VWA3B: variants seen among roughly 807,000 people sequenced by gnomAD.
The protein encoded by VWA3B is von Willebrand factor A domain containing 3B.
VWA3B carries 138 observed loss-of-function variants against 158.3 expected under a neutral mutation model. The observed-to-expected ratio is 0.87, with a 90% CI of 0.76 to 1.00. The LOEUF (loss-of-function observed/expected upper bound fraction) is 1.00, where lower values mean the gene tolerates loss of function less well. VWA3B is among the 50% of genes least tolerant of loss of function. VWA3B has a pLI of 0.00. For synonymous variants in VWA3B, 596 were observed against 587.3 expected (o/e 1.01, Z -0.21); for missense variants, 1,555 against 1,565.1 (o/e 0.99, Z 0.11).
At chr2:98,115,214 C>G (rs143344709) in intron 2 of VWA3B, among the ~76,000 whole-genome samples, 2 of 151,684 alleles carry the variant, frequency 1.3e-5, no homozygotes, top group African/African-American at 2.4e-5. Flanking sequence ...ATTACAATGC[C>G]GTTCTCACTC....
rs1228441504 is a variant in VWA3B at position 98,129,224 on chromosome 2, AGT to A, written c.872+850_872+851del. Among the ~76,000 whole-genome samples the A allele has an allele frequency of 8.8e-3, 1,094 of 124,546 alleles. 11 individuals carry two copies. The highest frequency in any genetic ancestry group is 0.043 in the South Asian group (157 of 3,670). 81.7% of individuals were successfully genotyped at this position (124,546 alleles called of 152,430 possible). A position where few individuals can be genotyped will look rare whatever the true frequency, so the allele number is the denominator to read the frequency against. On this transcript the variant is annotated intron_variant, in intron 6 of 27. Coordinates refer to ENST00000477737, the MANE Select transcript of VWA3B (RefSeq NM_144992.5). ...AGAGAGAGGAGAGAGAGAGAGAGAG[AGT>A]GTGTGTGTGTGTGTGTGTGTGTGTG...
At chr2:98,133,737 A>C in intron 6 of VWA3B, 87 bp from the exon 7 acceptor site, 1 of 1,136,986 alleles carries the variant, frequency 8.8e-7, no homozygotes, top group Non-Finnish European at 1.3e-6. Context: ...AGTGCTGCCG[A>C]AGAGCACGTT....
chr2:98,158,625 T>C (rs1678301310), intron 7 of VWA3B, among the ~76,000 whole-genome samples: 1 of 152,058 alleles, frequency 6.6e-6, no homozygotes, highest in Admixed American at 6.6e-5. Context: ...GAGCGTGTCC[T>C]GGCAGCAAGA....
intron 25 of VWA3B, 111 bp downstream of exon 25, chr2:98,300,327 G>A: frequency 1.4e-6 from 2 of 1,475,182 alleles, no homozygotes; most frequent in Non-Finnish European, 1.8e-6. Context: ...CTGCTGCCCT[G>A]CTCTCCACTC....
chr2:98,311,239 T>G (rs997913734), intron 26 of VWA3B, among the ~76,000 whole-genome samples: 1 of 152,232 alleles, frequency 6.6e-6, no homozygotes, highest in African/African-American at 2.4e-5. Context: ...TCAAGGTGCC[T>G]TCTTTGAAGG....
downstream of VWA3B, among the ~76,000 whole-genome samples, chr2:98,315,969 G>A (rs1025721447): frequency 6.6e-6 from 1 of 152,212 alleles, no homozygotes; most frequent in African/African-American, 2.4e-5. Flanking sequence ...AAATGCAGTT[G>A]ATTCTCACTA....
Position 98,236,691 on chromosome 2 carries a change from C to T in VWA3B, c.2634C>T (p.Pro878=), listed in dbSNP as rs757925403. ...TCCCGCACAGCTCCACCTATGTTCC[C>T]GTCCTGGACAAGCATGTCGTGTCTA... The part of the protein sequence containing the change: ...AAVPHSSTYV[P]VLDKHVVSKV... The change falls in exon 19 of 28, where the codon CCC becomes CCT. Residue 878 remains proline, a synonymous_variant. Transcript: ENST00000477737. The T allele has an allele frequency of 5.6e-6, 9 of 1,614,198 alleles. No individual in the cohort carries two copies. The highest frequency in any genetic ancestry group is 2.2e-5 in the East Asian group (1 of 44,888).
chr2:98,126,357 C>T (rs896789199), intron 5 of VWA3B, among the ~76,000 whole-genome samples: 7 of 152,204 alleles, frequency 4.6e-5, no homozygotes, highest in Non-Finnish European at 8.8e-5. Flanking sequence ...TGTGTGTCCT[C>T]ACCTCCCTCT....
intron 24 of VWA3B, 120 bp from the exon 25 acceptor site, chr2:98,299,959 T>A: frequency 7.7e-7 from 1 of 1,297,162 alleles, no homozygotes; most frequent in South Asian, 1.3e-5. Flanking sequence ...AAAAAAAATA[T>A]CTATTTGAAT....
At chr2:98,196,016 A>G (rs576133799) in intron 12 of VWA3B, among the ~76,000 whole-genome samples, 1 of 152,336 alleles carries the variant, frequency 6.6e-6, no homozygotes, top group East Asian at 1.9e-4. Context: ...CCAGGCAGAG[A>G]AAGAAAAAAC....
chr2:98,249,472 T>C (rs990895963), intron 19 of VWA3B, among the ~76,000 whole-genome samples: 1 of 152,166 alleles, frequency 6.6e-6, no homozygotes, highest in Non-Finnish European at 1.5e-5. Context: ...ACCCTGTTTG[T>C]GCCTTTGAAT....
chr2:98,272,687 A>G (rs1019653281), intron 22 of VWA3B, among the ~76,000 whole-genome samples: 1 of 152,146 alleles, frequency 6.6e-6, no homozygotes, highest in Non-Finnish European at 1.5e-5. Context: ...GACCCCAAGG[A>G]TGTTAGGAGT....
At chr2:98,184,070 A>T (rs1409563038) in intron 9 of VWA3B, among the ~76,000 whole-genome samples, 1 of 152,204 alleles carries the variant, frequency 6.6e-6, no homozygotes, top group East Asian at 1.9e-4. Context: ...CTCGCTTGAG[A>T]TTGATCTTGT....
In VWA3B at chr2:98,212,029, G is replaced by A. The variant is rs751110616; in HGVS notation, c.1836+1G>A. 26 of 1,613,634 alleles carry A rather than the reference G, an allele frequency of 1.6e-5. No individual in the cohort carries two copies. The highest frequency in any genetic ancestry group is 2.2e-5 in the Non-Finnish European group (26 of 1,179,614). On this transcript the variant is annotated splice_donor_variant, in intron 13 of 27. Coordinates refer to ENST00000477737, the MANE Select transcript of VWA3B (RefSeq NM_144992.5). LOFTEE classifies it high-confidence loss of function. The stretch of plus-strand genomic sequence containing the variant: ...TCTGACCGATGGGAGACCTGATCAG[G>A]TACTTACCAGAGCTGGGAACAAAGA...
intron 19 of VWA3B, among the ~76,000 whole-genome samples, chr2:98,247,374 C>A (rs532845723): frequency 6.6e-6 from 1 of 152,106 alleles, no homozygotes; most frequent in Non-Finnish European, 1.5e-5. Flanking sequence ...GATTTTAGTA[C>A]CTTTTAATTA....
intron 22 of VWA3B, among the ~76,000 whole-genome samples, chr2:98,287,083 G>T (rs758508414): frequency 3.6e-4 from 55 of 152,178 alleles, no homozygotes; most frequent in Non-Finnish European, 5.6e-4. Flanking sequence ...ATTGCTTGGT[G>T]ACTGAGGTGT....
chr2:98,236,900 GCGCGGTGGCGC>G, intron 19 of VWA3B, 170 bp downstream of exon 19: 1 of 970,262 alleles, frequency 1.0e-6, no homozygotes, highest in Non-Finnish European at 1.5e-6. Context: ...AAGAATTTGG[GCGCGGTGGCGC>G]ATGCCTGTAA....
intron 7 of VWA3B, among the ~76,000 whole-genome samples, chr2:98,158,683 G>C (rs184724160): frequency 7.3e-6 from 1 of 136,420 alleles, no homozygotes; most frequent in South Asian, 2.6e-4. Context: ...ACTGAGAAGG[G>C]GGAGTAGGAG....
intron 26 of VWA3B, among the ~76,000 whole-genome samples, chr2:98,310,040 G>A (rs1690791643): frequency 1.3e-5 from 2 of 152,194 alleles, no homozygotes; most frequent in South Asian, 2.1e-4. Context: ...CCAGCCTTCA[G>A]GGCCAGCAGT....
Sources: gnomAD v4.1 joint callset for allele counts (sites outside exome capture counted in the v4.1 genomes callset) on GRCh38, gnomAD v4.1.1 for gene constraint, MANE v1.5 for transcripts, NCBI Gene and HGNC (gene_info 2026-07-23, HGNC 2026-07-21) for gene names.